Variants in GRIK2 observed in about 807,000 individuals in gnomAD.
GRIK2 encodes glutamate receptor ionotropic, kainate 2.
GRIK2 carries 32 observed loss-of-function variants against 100.3 expected under a neutral mutation model. The observed-to-expected ratio is 0.32, with a 90% CI of 0.24 to 0.43. The LOEUF (loss-of-function observed/expected upper bound fraction) is 0.43. Ranked by LOEUF, GRIK2 falls within the 20% of genes least tolerant of loss-of-function variation. The pLI is 1.00. For missense variants in GRIK2, 843 were observed against 1,114.9 expected, an observed-to-expected ratio of 0.76 and a Z score of 3.47; for synonymous variants, 417 against 389.4, an observed-to-expected ratio of 1.07 and a Z score of -0.83.
chr6:101,617,213 A>G (rs1779930697), intron 2 of GRIK2, among the ~76,000 whole-genome samples: 1 of 151,748 alleles, frequency 6.6e-6, no homozygotes, highest in Non-Finnish European at 1.5e-5. Flanking sequence ...ATACAAGTAA[A>G]GTTCTAGTAA....
chr6:101,448,332 A>C (rs1175494170), intron 2 of GRIK2, among the ~76,000 whole-genome samples: 1 of 151,682 alleles, frequency 6.6e-6, no homozygotes, highest in African/African-American at 2.4e-5. Flanking sequence ...TATATTTTGC[A>C]AGTACATTTA....
chr6:101,692,734 A>C (rs1275503117), intron 7 of GRIK2, among the ~76,000 whole-genome samples: 1 of 152,064 alleles, frequency 6.6e-6, no homozygotes, highest in Admixed American at 6.6e-5. Flanking sequence ...AAAAATGTGT[A>C]ACATTTCACA....
chr6:101,511,302 C>G (rs1774300246), intron 2 of GRIK2, among the ~76,000 whole-genome samples: 1 of 152,128 alleles, frequency 6.6e-6, no homozygotes, highest in East Asian at 1.9e-4. Context: ...CATTTAACTA[C>G]CAAGTTTCTT....
In GRIK2 at chr6:101,929,958, G is replaced by A. The variant is rs78318192; in HGVS notation, c.2085+1326G>A. 6.9e-3 allele frequency among the ~76,000 whole-genome samples: 1,050 copies of A among 152,152 alleles called. 13 individuals are homozygous for A. Among genetic ancestry groups the A allele is most frequent in the African/African-American group, 0.024 (1,006 of 41,502 alleles). ...GGTCCTATTTGACTATATTAATTGCGATGGATCAGTTTTTCTTAATTGAAT... is the reference window on the plus strand; with the variant it reads ...GGTCCTATTTGACTATATTAATTGCAATGGATCAGTTTTTCTTAATTGAAT... On this transcript the variant is annotated intron_variant, in intron 14 of 16. Coordinates refer to ENST00000369134, the MANE Select transcript of GRIK2 (RefSeq NM_021956.5).
intron 2 of GRIK2, among the ~76,000 whole-genome samples, chr6:101,507,538 A>G (rs1774087499): frequency 6.6e-6 from 1 of 152,202 alleles, no homozygotes; most frequent in African/African-American, 2.4e-5. Flanking sequence ...AAAGATGAAC[A>G]TATAGTTTAT....
chr6:101,917,884 T>A (rs1271689069), intron 12 of GRIK2, among the ~76,000 whole-genome samples: 1 of 151,394 alleles, frequency 6.6e-6, no homozygotes, highest in Non-Finnish European at 1.5e-5. Flanking sequence ...TCACAGTAAA[T>A]ATGAAAATAG....
At chr6:101,726,472 T>A (rs1044627491) in intron 7 of GRIK2, among the ~76,000 whole-genome samples, 3 of 152,022 alleles carry the variant, frequency 2.0e-5, no homozygotes, top group African/African-American at 7.2e-5. Flanking sequence ...CAGATATGCA[T>A]ACAAACAGGA....
intron 14 of GRIK2, among the ~76,000 whole-genome samples, chr6:102,022,713 T>A (rs572366732): frequency 6.6e-6 from 1 of 151,706 alleles, no homozygotes; most frequent in Non-Finnish European, 1.5e-5. Context: ...TTTTATAATC[T>A]AGTGTTCCAT....
intron 2 of GRIK2, among the ~76,000 whole-genome samples, chr6:101,578,220 T>G (rs1449395693): frequency 6.6e-6 from 1 of 152,164 alleles, no homozygotes; most frequent in Non-Finnish European, 1.5e-5. Flanking sequence ...CTGGCTAATA[T>G]AAAAGTGTGC....
intron 4 of GRIK2, among the ~76,000 whole-genome samples, chr6:101,662,518 C>A (rs975712976): frequency 3.3e-5 from 5 of 151,894 alleles, no homozygotes; most frequent in African/African-American, 1.2e-4. Context: ...AACATGATAC[C>A]CTTCATAAGT....
At chr6:101,498,696 C>T (rs1304822788) in intron 2 of GRIK2, among the ~76,000 whole-genome samples, 1 of 151,648 alleles carries the variant, frequency 6.6e-6, no homozygotes, top group East Asian at 1.9e-4. Context: ...ATATCCTTTG[C>T]CCACTTTTTG....
At chr6:101,818,326 C>A (rs142741212) in intron 9 of GRIK2, 44 bp from the exon 10 acceptor site, 1 of 1,066,122 alleles carries the variant, frequency 9.4e-7, no homozygotes, top group South Asian at 1.3e-5. Context: ...CTCTCTACCA[C>A]GTGCCTGATG....
At chr6:101,640,875 A>T (rs529293794) in intron 4 of GRIK2, among the ~76,000 whole-genome samples, 1 of 152,302 alleles carries the variant, frequency 6.6e-6, no homozygotes, top group East Asian at 1.9e-4. Context: ...CATTAAGTCA[A>T]ACTTATCAAT....
intron 2 of GRIK2, among the ~76,000 whole-genome samples, chr6:101,471,027 T>G (rs187641281): frequency 6.6e-6 from 1 of 152,248 alleles, no homozygotes; most frequent in Admixed American, 6.5e-5. Context: ...TTTGTGTCAT[T>G]ATGCAAAATA....
chr6:101,787,539 C>T (rs918101359), intron 7 of GRIK2, among the ~76,000 whole-genome samples: 12 of 152,012 alleles, frequency 7.9e-5, no homozygotes, highest in African/African-American at 2.7e-4. Context: ...AGATTTTCTG[C>T]TTAATTTACT....
chr6:101,645,070 CCT>C (rs746745303), intron 4 of GRIK2, among the ~76,000 whole-genome samples: 138 of 151,352 alleles, frequency 9.1e-4, no homozygotes, highest in Non-Finnish European at 1.4e-3. Context: ...TTGTTTAGCC[CCT>C]GAGACATGTA....
chr6:101,704,937 AT>A (rs1346568420), intron 7 of GRIK2, among the ~76,000 whole-genome samples: 19 of 147,710 alleles, frequency 1.3e-4, no homozygotes, highest in Non-Finnish European at 2.1e-4. Context: ...TATATATAAA[AT>A]GTATCTATAT....
intron 7 of GRIK2, among the ~76,000 whole-genome samples, chr6:101,692,192 T>G (rs954137242): frequency 6.6e-6 from 1 of 152,092 alleles, no homozygotes; most frequent in Admixed American, 6.6e-5. Context: ...ATTTTAGCTG[T>G]TTTTCTTTAA....
At chr6:101,403,325 T>G (rs1467260500) in intron 2 of GRIK2, among the ~76,000 whole-genome samples, 1 of 152,202 alleles carries the variant, frequency 6.6e-6, no homozygotes, top group Non-Finnish European at 1.5e-5. Flanking sequence ...TTCTGATGTT[T>G]CGACCTAACT....
Sources: allele counts gnomAD v4.1 joint callset (sites outside exome capture counted in the v4.1 genomes callset), GRCh38; gene constraint gnomAD v4.1.1; transcripts MANE v1.5; gene names NCBI Gene and HGNC (gene_info 2026-07-23, HGNC 2026-07-21).